ST8SIA4: variants seen among roughly 807,000 people sequenced by gnomAD.
ST8SIA4 encodes the protein ST8 alpha-N-acetyl-neuraminide alpha-2,8-sialyltransferase 4, also known as CMP-N-acetylneuraminate-poly-alpha-2,8-sialyltransferase.
In ST8SIA4, 15 loss-of-function variants were observed where a neutral mutation model predicts 33.9. The ratio of observed to expected loss-of-function variants is 0.44; its 90% CI spans 0.30 to 0.68. ST8SIA4 has a LOEUF of 0.68. Ranked by LOEUF, ST8SIA4 falls within the 30% of genes least tolerant of loss-of-function variation. ST8SIA4 has a pLI of 0.10. For synonymous variants in ST8SIA4, 171 were observed against 151.2 expected, an observed-to-expected ratio of 1.13 and a Z score of -0.96; for missense variants, 321 against 428.0, an observed-to-expected ratio of 0.75 and a Z score of 2.21.
chr5:100,868,548 C>G (rs1430557555), intron 3 of ST8SIA4, among the ~76,000 whole-genome samples: 3 of 151,958 alleles, frequency 2.0e-5, no homozygotes, highest in African/African-American at 4.8e-5. Context: ...TGTTATGAAC[C>G]TAACCAAACA....
intron 3 of ST8SIA4, chr5:100,886,096 T>A: frequency 7.9e-7 from 1 of 1,273,796 alleles, no homozygotes; most frequent in South Asian, 2.1e-5. Flanking sequence ...GCCTCCCCCC[T>A]CACCTCACCA....
Position 100,812,058 on chromosome 5 carries a change from C to T in ST8SIA4, c.869G>A (p.Arg290Lys). Residue 290 changes from arginine to lysine, a missense_variant, in exon 5 of 5, where the codon AGA becomes AAA. Coordinates refer to ENST00000231461, the MANE Select transcript of ST8SIA4 (RefSeq NM_005668.6). ...TGLLMYTLATRFCDEIHLYGF... is the reference protein window; with the variant it reads ...TGLLMYTLATKFCDEIHLYGF... ...ATACAGGTGAATTTCATCACAGAAT[C>T]TTGTGGCAAGTGTATACATGAGAAG... 1 of 1,614,104 alleles carries T rather than the reference C, an allele frequency of 6.2e-7. No homozygotes were observed. The highest frequency in any genetic ancestry group is 8.5e-7 in the Non-Finnish European group (1 of 1,179,994).
chr5:100,824,985 C>T (rs1055823692), intron 4 of ST8SIA4, among the ~76,000 whole-genome samples: 2 of 151,866 alleles, frequency 1.3e-5, no homozygotes, highest in African/African-American at 4.8e-5. Flanking sequence ...AACTTGAGCC[C>T]AGGAGTTTGG....
intron 4 of ST8SIA4, among the ~76,000 whole-genome samples, chr5:100,846,166 T>A (rs1751566189): frequency 6.6e-6 from 1 of 152,016 alleles, no homozygotes; most frequent in African/African-American, 2.4e-5. Context: ...TCTTGAAAGT[T>A]TCCCTCTTCT....
intron 3 of ST8SIA4, among the ~76,000 whole-genome samples, chr5:100,875,363 T>G (rs765276368): frequency 5.9e-5 from 9 of 152,238 alleles, no homozygotes; most frequent in Non-Finnish European, 1.0e-4. Flanking sequence ...AAATTTATTA[T>G]GTGTGATATC....
intron 2 of ST8SIA4, among the ~76,000 whole-genome samples, chr5:100,895,073 A>T (rs1390815862): frequency 6.6e-6 from 1 of 152,060 alleles, no homozygotes; most frequent in Non-Finnish European, 1.5e-5. Flanking sequence ...CATACTGGAT[A>T]AACGTAGGCA....
intron 4 of ST8SIA4, among the ~76,000 whole-genome samples, chr5:100,841,907 T>C (rs1020198215): frequency 2.6e-5 from 4 of 151,892 alleles, no homozygotes; most frequent in African/African-American, 9.7e-5. Flanking sequence ...GTCACTTCCC[T>C]ATGTAATCTT....
chr5:100,829,708 G>A (rs935264099), intron 4 of ST8SIA4, among the ~76,000 whole-genome samples: 2 of 152,094 alleles, frequency 1.3e-5, no homozygotes, highest in Non-Finnish European at 2.9e-5. Flanking sequence ...AGGAGATCGA[G>A]ACCATCCTGG....
chr5:100,825,203 ATTAT>A (rs1225303287), intron 4 of ST8SIA4, among the ~76,000 whole-genome samples: 1 of 152,200 alleles, frequency 6.6e-6, no homozygotes, highest in Non-Finnish European at 1.5e-5. Flanking sequence ...TTCAAATCAT[ATTAT>A]TTAATTTATT....
intron 1 of ST8SIA4, among the ~76,000 whole-genome samples, chr5:100,898,669 T>C (rs917511536): frequency 1.6e-4 from 25 of 152,288 alleles, no homozygotes; most frequent in African/African-American, 5.8e-4. Context: ...ATGGGTCCCA[T>C]GGGATGTTTC....
intron 4 of ST8SIA4, among the ~76,000 whole-genome samples, chr5:100,825,818 T>C (rs1304493102): frequency 1.3e-5 from 2 of 152,222 alleles, no homozygotes; most frequent in Admixed American, 6.5e-5. Flanking sequence ...ACCTAACCTG[T>C]AGCTTGTAGA....
chr5:100,808,573 G>A lies in ST8SIA4; in HGVS notation c.*3274C>T, dbSNP rs1750740667. ...GAATATTTCACAATCAGCTGCCTGAGCATTGCCAAGTACAGGGTTAAATAG... is the reference window on the plus strand; with the variant it reads ...GAATATTTCACAATCAGCTGCCTGAACATTGCCAAGTACAGGGTTAAATAG... On this transcript the variant is annotated 3_prime_UTR_variant, in exon 5 of 5. Coordinates refer to ENST00000231461, the MANE Select transcript of ST8SIA4 (RefSeq NM_005668.6). The A allele has an allele frequency of 6.6e-6, 1 of 152,544 alleles. No individual in the cohort carries two copies. The highest frequency in any genetic ancestry group is 1.5e-5 in the Non-Finnish European group (1 of 68,030). The allele number at this position is 152,544 out of a possible 1,614,324, so 9.4% of individuals were successfully genotyped here.
chr5:100,891,742 G>T (rs908000908), intron 2 of ST8SIA4, among the ~76,000 whole-genome samples: 5 of 151,818 alleles, frequency 3.3e-5, no homozygotes, highest in Admixed American at 2.0e-4. Flanking sequence ...TATACATTTG[G>T]GTACTAAAAT....
chr5:100,881,563 A>G (rs1461547150), intron 3 of ST8SIA4, among the ~76,000 whole-genome samples: 1 of 152,338 alleles, frequency 6.6e-6, no homozygotes, highest in East Asian at 1.9e-4. Flanking sequence ...TACTCATGAA[A>G]TCTAAAAGAA....
intron 4 of ST8SIA4, among the ~76,000 whole-genome samples, chr5:100,845,000 C>CTA (rs1400366902): frequency 1.3e-5 from 2 of 152,034 alleles, no homozygotes; most frequent in East Asian, 3.9e-4. Flanking sequence ...CATGGCAATT[C>CTA]TAGTGGTCAA....
intron 4 of ST8SIA4, among the ~76,000 whole-genome samples, chr5:100,835,666 T>C (rs1183234620): frequency 6.6e-6 from 1 of 152,168 alleles, no homozygotes; most frequent in Non-Finnish European, 1.5e-5. Flanking sequence ...TGGTTGCCAA[T>C]TATTGTTTCG....
intron 2 of ST8SIA4, among the ~76,000 whole-genome samples, chr5:100,889,551 C>T (rs915541196): frequency 3.3e-5 from 5 of 151,884 alleles, no homozygotes; most frequent in African/African-American, 1.2e-4. Flanking sequence ...AGTCAACTAA[C>T]GTCAAAATGG....
intron 3 of ST8SIA4, among the ~76,000 whole-genome samples, chr5:100,866,897 A>C (rs1030827845): frequency 1.3e-5 from 2 of 152,098 alleles, no homozygotes; most frequent in Non-Finnish European, 2.9e-5. Context: ...ATTAAACTTC[A>C]TGAGCATTGT....
At chr5:100,886,635 C>A (rs1580482809) in intron 2 of ST8SIA4, 35 bp from the exon 3 acceptor site, 1 of 1,539,722 alleles carries the variant, frequency 6.5e-7, no homozygotes, top group Non-Finnish European at 9.0e-7. Flanking sequence ...TTTACATTAC[C>A]ATCAGCATAT....
Sources: gnomAD v4.1 joint callset for allele counts (sites outside exome capture counted in the v4.1 genomes callset) on GRCh38, gnomAD v4.1.1 for gene constraint, MANE v1.5 for transcripts, NCBI Gene and HGNC (gene_info 2026-07-23, HGNC 2026-07-21) for gene names.